Variants in PDGFD observed in about 807,000 individuals in gnomAD.
PDGFD encodes platelet derived growth factor D, also known as platelet-derived growth factor D.
Under a neutral mutation model 44.7 loss-of-function variants are expected in PDGFD, and 30 were observed. The ratio of observed to expected loss-of-function variants is 0.67; its 90% CI spans 0.50 to 0.91. PDGFD has a LOEUF of 0.91. Ranked by LOEUF, PDGFD falls within the 40% of genes least tolerant of loss-of-function variation. The pLI is 0.00. For synonymous variants in PDGFD, 173 were observed against 168.4 expected (o/e 1.03, Z -0.21); for missense variants, 445 against 457.8 (o/e 0.97, Z 0.25).
chr11:104,059,709 C>A (rs1420840209), intron 1 of PDGFD, among the ~76,000 whole-genome samples: 1 of 152,140 alleles, frequency 6.6e-6, no homozygotes, highest in South Asian at 2.1e-4. Context: ...AGCCTTCCTC[C>A]CTGAAGACTC....
chr11:104,071,859 A>G (rs557730692), intron 1 of PDGFD, among the ~76,000 whole-genome samples: 53 of 151,756 alleles, frequency 3.5e-4, no homozygotes, highest in Middle Eastern at 6.8e-3. Flanking sequence ...TCTTCACTCT[A>G]GTGATTTGAG....
At chr11:104,128,714 T>C (rs1296124298) in intron 1 of PDGFD, among the ~76,000 whole-genome samples, 1 of 152,170 alleles carries the variant, frequency 6.6e-6, no homozygotes, top group Non-Finnish European at 1.5e-5. Flanking sequence ...TCAATAAGTG[T>C]CAACTTATTG....
chr11:104,053,663 T>C (rs749868133), intron 1 of PDGFD, among the ~76,000 whole-genome samples: 36 of 152,298 alleles, frequency 2.4e-4, no homozygotes, highest in Non-Finnish European at 4.9e-4. Flanking sequence ...AAATCAACTA[T>C]TTGGAACATA....
intron 1 of PDGFD, among the ~76,000 whole-genome samples, chr11:104,031,330 G>A (rs10895564): frequency 0.3 from 45,578 of 152,098 alleles, 8,458 homozygotes; most frequent in Admixed American, 0.49. Flanking sequence ...AGTGGGCAAA[G>A]GACATGAACA....
intron 1 of PDGFD, among the ~76,000 whole-genome samples, chr11:104,026,521 A>C (rs557520158): frequency 6.6e-6 from 1 of 151,950 alleles, no homozygotes; most frequent in South Asian, 2.1e-4. Flanking sequence ...CCACTAAAAA[A>C]GTTTGAAGCA....
chr11:104,084,392 G>A (rs886489964), intron 1 of PDGFD, among the ~76,000 whole-genome samples: 1 of 152,034 alleles, frequency 6.6e-6, no homozygotes, highest in African/African-American at 2.4e-5. Context: ...AAAGAGATCT[G>A]GGGACAATAT....
At chr11:104,004,362 C>T (rs1859667446) in intron 1 of PDGFD, among the ~76,000 whole-genome samples, 1 of 152,042 alleles carries the variant, frequency 6.6e-6, no homozygotes, top group Non-Finnish European at 1.5e-5. Context: ...TTTTTCTTGG[C>T]ATTATTCCCT....
chr11:103,922,996 C>T (rs942935565), intron 6 of PDGFD, among the ~76,000 whole-genome samples: 4 of 152,164 alleles, frequency 2.6e-5, no homozygotes, highest in African/African-American at 9.7e-5. Flanking sequence ...TCATATTTCT[C>T]CACAACTATC....
chr11:104,091,485 G>C, intron 1 of PDGFD, among the ~76,000 whole-genome samples: 1 of 152,024 alleles, frequency 6.6e-6, no homozygotes, highest in South Asian at 2.1e-4. Context: ...GAGCCTCTGG[G>C]GTATATATTC....
At chr11:104,162,701 C>T (rs543347579) in intron 1 of PDGFD, among the ~76,000 whole-genome samples, 1 of 152,086 alleles carries the variant, frequency 6.6e-6, no homozygotes, top group Admixed American at 6.5e-5. Context: ...TTAGTAAATT[C>T]CAAATTAAGG....
At chr11:104,058,490 A>T (rs10791663) in intron 1 of PDGFD, among the ~76,000 whole-genome samples, 83,262 of 152,020 alleles carry the variant, frequency 0.55, 24,076 homozygotes, top group Non-Finnish European at 0.65. Flanking sequence ...CACAGCAACA[A>T]CGAGGACAAC....
At chr11:103,923,428 T>C (rs1858256290) in intron 6 of PDGFD, among the ~76,000 whole-genome samples, 1 of 152,166 alleles carries the variant, frequency 6.6e-6, no homozygotes, top group Non-Finnish European at 1.5e-5. Context: ...TTCCTTAAGG[T>C]TGAGCACTGA....
chr11:103,989,555 T>G (rs561827409), intron 3 of PDGFD, among the ~76,000 whole-genome samples: 1 of 152,030 alleles, frequency 6.6e-6, no homozygotes, highest in Non-Finnish European at 1.5e-5. Flanking sequence ...TTTAATAGAG[T>G]TCATGGGACA....
intron 1 of PDGFD, among the ~76,000 whole-genome samples, chr11:104,003,784 T>C (rs1859656171): frequency 6.6e-6 from 1 of 152,070 alleles, no homozygotes; most frequent in Non-Finnish European, 1.5e-5. Flanking sequence ...GAGGAGGCCT[T>C]GGGAATCAGT....
At chr11:104,031,982 G>A (rs1860132660) in intron 1 of PDGFD, among the ~76,000 whole-genome samples, 1 of 152,104 alleles carries the variant, frequency 6.6e-6, no homozygotes, top group African/African-American at 2.4e-5. Context: ...AACACTCACT[G>A]GGGTCTGTCG....
At chr11:104,048,636 C>T (rs371834833) in intron 1 of PDGFD, among the ~76,000 whole-genome samples, 16 of 152,162 alleles carry the variant, frequency 1.1e-4, no homozygotes, top group African/African-American at 3.6e-4. Context: ...GCTACTGATA[C>T]AGGCCATTCC....
intron 3 of PDGFD, among the ~76,000 whole-genome samples, chr11:103,977,007 G>T (rs1284745530): frequency 6.6e-6 from 1 of 152,016 alleles, no homozygotes; most frequent in Non-Finnish European, 1.5e-5. Flanking sequence ...TGATAAATGG[G>T]ATATCACCAC....
At chr11:103,951,244 T>C (rs948567587) in intron 3 of PDGFD, among the ~76,000 whole-genome samples, 4 of 152,156 alleles carry the variant, frequency 2.6e-5, no homozygotes, top group African/African-American at 9.7e-5. Context: ...ACATCCCTTA[T>C]AAAAATAAAA....
chr11:104,146,884 T>G (rs184664197), intron 1 of PDGFD, among the ~76,000 whole-genome samples: 24 of 152,042 alleles, frequency 1.6e-4, no homozygotes, highest in African/African-American at 5.1e-4. Context: ...AGACAAAATC[T>G]TTATCCTTAC....
Sources: gnomAD v4.1 joint callset for allele counts (sites outside exome capture counted in the v4.1 genomes callset) on GRCh38, gnomAD v4.1.1 for gene constraint, MANE v1.5 for transcripts, NCBI Gene and HGNC (gene_info 2026-07-23, HGNC 2026-07-21) for gene names.